Variants in TRIM29 observed in about 807,000 individuals in gnomAD.
TRIM29 encodes tripartite motif-containing protein 29.
A neutral mutation model predicts 57.3 loss-of-function variants in TRIM29; 52 were observed. That is an observed-to-expected ratio of 0.91 (90% CI 0.73 to 1.14). TRIM29 has a LOEUF of 1.14. TRIM29 is among the 50% of genes most tolerant of loss of function. The probability of loss-of-function intolerance (pLI) is 0.00; values close to 1 mark genes in which losing one functional copy is unlikely to be tolerated. For missense variants in TRIM29, 753 were observed against 774.6 expected, an observed-to-expected ratio of 0.97 and a Z score of 0.33; for synonymous variants, 319 against 316.9, an observed-to-expected ratio of 1.01 and a Z score of -0.07.
chr11:120,129,449 T>C (rs1242058468), intron 1 of TRIM29, among the ~76,000 whole-genome samples: 1 of 152,152 alleles, frequency 6.6e-6, no homozygotes, highest in African/African-American at 2.4e-5. Flanking sequence ...AAGAGAGCCT[T>C]GGATTGCTCC....
intron 3 of TRIM29, chr11:120,126,136 C>G: frequency 3.9e-6 from 2 of 517,216 alleles, no homozygotes; most frequent in Non-Finnish European, 6.9e-6. Flanking sequence ...GTGGGTGCAT[C>G]TGTTTACCTC....
intron 3 of TRIM29, chr11:120,126,258 CTTTTTTTTTT>C (rs35133292): frequency 6.6e-6 from 1 of 152,590 alleles, no homozygotes; most frequent in East Asian, 1.9e-4. Flanking sequence ...TTCTTTCTTT[CTTTTTTTTTT>C]TTTTGAGGCG....
Position 120,112,010 on chromosome 11 carries a change from G to C in TRIM29, c.*404C>G, listed in dbSNP as rs568036897. 1 of 228,910 alleles carries C rather than the reference G, an allele frequency of 4.4e-6. No individual in the cohort carries two copies. Among genetic ancestry groups the C allele is most frequent in the African/African-American group, 2.4e-5 (1 of 42,186 alleles). The allele number at this position is 228,910 out of a possible 1,614,324, so 14.2% of individuals were successfully genotyped here. A position where few individuals can be genotyped will look rare whatever the true frequency, so the allele number is the denominator to read the frequency against. ...CAACATTGGGGGATAGGGCCTTGGA[G>C]AGAAACGTCTATAGGCCTGGAGACA... On this transcript the variant is annotated 3_prime_UTR_variant, in exon 9 of 9. Coordinates refer to ENST00000341846, the MANE Select transcript of TRIM29 (RefSeq NM_012101.4).
intron 5 of TRIM29, among the ~76,000 whole-genome samples, chr11:120,122,211 C>A (rs572416376): frequency 7.6e-4 from 116 of 152,004 alleles, no homozygotes; most frequent in African/African-American, 2.7e-3. Context: ...CTTCCCCCTC[C>A]CCAGCCCCTG....
In TRIM29 at chr11:120,112,468, G is replaced by T. The variant is rs1273133520; in HGVS notation, c.1713C>A (p.Tyr571Ter). Residue 571 changes from tyrosine (Y) to a stop codon, truncating the protein, a stop_gained, in exon 9 of 9, where the codon TAC becomes TAA. Transcript: ENST00000341846. LOFTEE classifies it high-confidence loss of function. ...KSGKQTMLSH[Y>*]RPFYVNKGNG... ...TGCCTTTGTTGACGTAGAATGGCCGGTAGTGAGACTGTGGGGGAAACAAGA... is the reference window on the plus strand; with the variant it reads ...TGCCTTTGTTGACGTAGAATGGCCGTTAGTGAGACTGTGGGGGAAACAAGA... 3 of 1,613,576 alleles carry T rather than the reference G, an allele frequency of 1.9e-6. No individual in the cohort carries two copies. The highest frequency in any genetic ancestry group is 2.5e-6 in the Non-Finnish European group (3 of 1,179,794).
At chr11:120,126,985 T>C (rs1280288247) in intron 3 of TRIM29, among the ~76,000 whole-genome samples, 1 of 152,082 alleles carries the variant, frequency 6.6e-6, no homozygotes, top group African/African-American at 2.4e-5. Context: ...AGATAACAAA[T>C]ATGCAGCACT....
At chr11:120,116,569 G>T in intron 7 of TRIM29, 1 of 153,812 alleles carries the variant, frequency 6.5e-6, no homozygotes, top group Non-Finnish European at 1.4e-5. Context: ...GGAGGAGGGG[G>T]AGGAGACAGA....
intron 7 of TRIM29, chr11:120,115,694 C>T (rs1863250413): frequency 4.4e-6 from 2 of 455,190 alleles, no homozygotes; most frequent in Non-Finnish European, 8.0e-6. Context: ...CCACATCCAG[C>T]GCAGCATCAC....
intron 1 of TRIM29, among the ~76,000 whole-genome samples, chr11:120,132,694 A>T (rs1433862431): frequency 6.6e-6 from 1 of 152,214 alleles, no homozygotes; most frequent in Admixed American, 6.5e-5. Flanking sequence ...GCCTGAATTC[A>T]CTACATGGGC....
In TRIM29 at chr11:120,137,814, T is replaced by C. The variant is rs1195627706; in HGVS notation, c.218A>G (p.Asn73Ser). Residue 73 changes from asparagine (N) to serine (S), a missense_variant, in exon 1 of 9, where the codon AAT (asparagine) becomes AGT (serine). By Grantham distance (46) the Asn-to-Ser change is conservative. Transcript: ENST00000341846. This position sits in a 1 kb window ranked among gnomAD's most constrained non-coding sequence, Gnocchi z 6.2. ...CTGGATGATGGGTCGCCGCCACTCA[T>C]TGCCCGCGAACAGGGCGCTCCTACC... Reference protein sequence around the residue: ...GEGRSALFAGNEWRRPIIQFV... With the variant: ...GEGRSALFAGSEWRRPIIQFV... The C allele has an allele frequency of 7.4e-6, 12 of 1,612,658 alleles. No individual in the cohort carries two copies. The highest frequency in any genetic ancestry group is 1.0e-5 in the Non-Finnish European group (12 of 1,180,004).
rs542052510 is a variant in TRIM29 at position 120,128,565 on chromosome 11, C to T, written c.805-70G>A. On this transcript the variant is annotated intron_variant, in intron 1 of 8. Transcript: ENST00000341846. ...GGAAGAGAACCAGAGAACCAGGGAG[C>T]GGCTCCACTCAGGGGGCACACTCGC... 4.2e-5 allele frequency: 65 copies of T among 1,533,582 alleles called. No homozygotes were observed. The East Asian group carries it at 4.4e-4, about 10-fold the overall frequency. The allele number at this position is 1,533,582 out of a possible 1,614,324, so 95.0% of individuals were successfully genotyped here. A position where few individuals can be genotyped will look rare whatever the true frequency, so the allele number is the denominator to read the frequency against.
chr11:120,138,067 G>A lies in TRIM29; in HGVS notation c.-36C>T. 2 of 1,550,788 alleles carry A rather than the reference G, an allele frequency of 1.3e-6. No homozygotes were observed. The highest frequency in any genetic ancestry group is 1.7e-6 in the Non-Finnish European group (2 of 1,155,628). ...TTGGCTGAGCTGTTTCAGGCTTGCT[G>A]GGGTTCAGGATAGGTGACCTTTCTG... On this transcript the variant is annotated 5_prime_UTR_variant, in exon 1 of 9. Coordinates refer to ENST00000341846, the MANE Select transcript of TRIM29 (RefSeq NM_012101.4).
At chr11:120,120,725 C>T (rs1395112065) in intron 5 of TRIM29, 60 bp from the exon 6 acceptor site, 2 of 1,546,150 alleles carry the variant, frequency 1.3e-6, no homozygotes, top group Admixed American at 3.6e-5. Context: ...GACTCCTTGC[C>T]CCCAAAAAGT....
At chr11:120,120,180 GT>G (rs77846795) in intron 6 of TRIM29, among the ~76,000 whole-genome samples, 65,195 of 150,342 alleles carry the variant, frequency 0.43, 14,227 homozygotes, top group Non-Finnish European at 0.47. Flanking sequence ...TGTGGGGGGG[GT>G]GGCGCATTCC....
intron 7 of TRIM29, chr11:120,117,727 A>G (rs1863308625): frequency 6.0e-6 from 1 of 166,968 alleles, no homozygotes; most frequent in South Asian, 1.5e-4. Flanking sequence ...GGCGGGGGAC[A>G]GAGTGCAGGA....
intron 6 of TRIM29, among the ~76,000 whole-genome samples, chr11:120,120,146 T>C (rs940111292): frequency 2.7e-5 from 4 of 149,918 alleles, no homozygotes; most frequent in African/African-American, 9.8e-5. Context: ...AGAGATTCTC[T>C]TTGGGTCCTC....
intron 1 of TRIM29, among the ~76,000 whole-genome samples, chr11:120,132,907 G>A (rs1863746920): frequency 6.6e-6 from 1 of 152,144 alleles, no homozygotes; most frequent in Non-Finnish European, 1.5e-5. Context: ...GGTCAGGGGA[G>A]GGGTGAGATG....
chr11:120,133,667 A>G (rs926823261), intron 1 of TRIM29, among the ~76,000 whole-genome samples: 1 of 152,194 alleles, frequency 6.6e-6, no homozygotes, highest in African/African-American at 2.4e-5. Flanking sequence ...CCGAATCCCA[A>G]AGAGCTTTCC....
intron 1 of TRIM29, 115 bp from the exon 2 acceptor site, chr11:120,128,610 T>A (rs1441666013): frequency 6.6e-7 from 1 of 1,506,364 alleles, no homozygotes; most frequent in Non-Finnish European, 8.9e-7. Flanking sequence ...TCATCACTCA[T>A]CTATTCAGCT....
Sources: allele counts gnomAD v4.1 joint callset (sites outside exome capture counted in the v4.1 genomes callset), GRCh38; gene constraint gnomAD v4.1.1; non-coding constraint Gnocchi (gnomAD v3.1); transcripts MANE v1.5; gene names NCBI Gene and HGNC (gene_info 2026-07-23, HGNC 2026-07-21).